The following STK32B variants were observed in gnomAD, a reference collection of about 807,000 sequenced individuals.
STK32B encodes the protein serine/threonine kinase 32B, also known as serine/threonine-protein kinase 32B.
In STK32B, 43 loss-of-function variants were observed where a neutral mutation model predicts 52.6. That is an observed-to-expected ratio of 0.82 (90% CI 0.64 to 1.05). The LOEUF is 1.05. STK32B is among the 50% of genes least tolerant of loss of function. The probability of loss-of-function intolerance (pLI) is 0.00; values close to 1 mark genes in which losing one functional copy is unlikely to be tolerated. For synonymous variants in STK32B, 238 were observed against 204.3 expected, an observed-to-expected ratio of 1.17 and a Z score of -1.41; for missense variants, 621 against 534.6, an observed-to-expected ratio of 1.16 and a Z score of -1.59.
chr4:5,359,622 AG>A (rs1268384132), intron 4 of STK32B, among the ~76,000 whole-genome samples: 2 of 152,158 alleles, frequency 1.3e-5, no homozygotes, highest in African/African-American at 4.8e-5. Flanking sequence ...GGGCCACAGG[AG>A]GGGGTCTGTT....
chr4:5,352,877 A>G (rs1733928370), intron 4 of STK32B, among the ~76,000 whole-genome samples: 1 of 152,168 alleles, frequency 6.6e-6, no homozygotes, highest in South Asian at 2.1e-4. Context: ...TGAAAATACC[A>G]ACATCATTTT....
intron 3 of STK32B, among the ~76,000 whole-genome samples, chr4:5,294,186 T>C (rs1366812133): frequency 6.6e-6 from 1 of 152,216 alleles, no homozygotes; most frequent in African/African-American, 2.4e-5. Flanking sequence ...TTTTGGTTAC[T>C]GTAGCCTTGT....
chr4:5,093,313 G>A (rs181617220), intron 1 of STK32B, among the ~76,000 whole-genome samples: 53 of 152,182 alleles, frequency 3.5e-4, no homozygotes, highest in African/African-American at 9.9e-4. Flanking sequence ...CAAAAGAAAC[G>A]TAAACAAATA....
At chr4:5,108,624 A>C (rs1714236616) in intron 1 of STK32B, among the ~76,000 whole-genome samples, 1 of 152,232 alleles carries the variant, frequency 6.6e-6, no homozygotes, top group African/African-American at 2.4e-5. Context: ...AGTTAATTTT[A>C]GATTCAACTT....
At chr4:5,286,794 CTTTTTT>C (rs60300816) in intron 3 of STK32B, among the ~76,000 whole-genome samples, 151 of 113,260 alleles carry the variant, frequency 1.3e-3, no homozygotes, top group African/African-American at 5.6e-3. Context: ...TACAGATGTA[CTTTTTT>C]TTTTTTTTTT....
At position 5,378,079 on chromosome 4, in the gene STK32B, G is replaced by T. The variant is rs938322871; in HGVS notation, c.435-20128G>T. 6.6e-6 allele frequency among the ~76,000 whole-genome samples: 1 copy of T among 152,204 alleles called. No individual in the cohort carries two copies. Among genetic ancestry groups the T allele is most frequent in the South Asian group, 2.1e-4 (1 of 4,828 alleles). ...TTACTGAGATGTTAAAGACGTAATA[G>T]TACCAAGTTGAGACATTCTTCCTGA... On this transcript the variant is annotated intron_variant, in intron 4 of 11. Transcript: ENST00000282908. This position sits in a 1 kb window ranked among gnomAD's most constrained non-coding sequence, Gnocchi z 4.4.
chr4:5,181,011 A>T (rs1720310667), intron 3 of STK32B, among the ~76,000 whole-genome samples: 1 of 152,062 alleles, frequency 6.6e-6, no homozygotes, highest in Non-Finnish European at 1.5e-5. Context: ...GTGTCCCATG[A>T]GTGGGAGCCC....
intron 4 of STK32B, among the ~76,000 whole-genome samples, chr4:5,361,649 A>G (rs1734556762): frequency 6.6e-6 from 1 of 152,248 alleles, no homozygotes; most frequent in African/African-American, 2.4e-5. Context: ...TGCTTGGCCT[A>G]TTTCAATTTT....
At chr4:5,116,367 ATT>A (rs1363899576) in intron 1 of STK32B, among the ~76,000 whole-genome samples, 1 of 152,092 alleles carries the variant, frequency 6.6e-6, no homozygotes, top group Non-Finnish European at 1.5e-5. Flanking sequence ...TGTACATTTT[ATT>A]TTTTAATAGA....
At chr4:5,026,324 A>G in the STK32B span, among the ~76,000 whole-genome samples, 1 of 152,158 alleles carries the variant, frequency 6.6e-6, no homozygotes, top group Non-Finnish European at 1.5e-5. Context: ...GTCCAATCTC[A>G]TGTATTAGTC....
chr4:5,320,773 T>C (rs904210854), intron 3 of STK32B, among the ~76,000 whole-genome samples: 1 of 152,208 alleles, frequency 6.6e-6, no homozygotes, highest in Non-Finnish European at 1.5e-5. Context: ...ACACTTGACA[T>C]ATTAGCAGAT....
chr4:5,406,440 G>A (rs530908402), intron 5 of STK32B, among the ~76,000 whole-genome samples: 2 of 152,150 alleles, frequency 1.3e-5, no homozygotes, highest in African/African-American at 4.8e-5. Context: ...GGGACTTTCT[G>A]TGGGGGCTCC....
At position 5,470,521 on chromosome 4, in the gene STK32B, T is replaced by G. The variant is rs1020931085; in HGVS notation, c.1106+2451T>G. Reference sequence around the variant, plus strand: ...CTAAGTGCTTCCTCTGCGGCCCTGATGGCTGATAGGCTTCCTGTCACAGCA... The same window carrying G: ...CTAAGTGCTTCCTCTGCGGCCCTGAGGGCTGATAGGCTTCCTGTCACAGCA... On this transcript the variant is annotated intron_variant, in intron 11 of 11. Coordinates refer to ENST00000282908, the MANE Select transcript of STK32B (RefSeq NM_018401.3). This position sits in a 1 kb window ranked among gnomAD's most constrained non-coding sequence, Gnocchi z 4.6. Among the ~76,000 whole-genome samples the G allele has an allele frequency of 6.6e-6, 1 of 152,138 alleles. No homozygotes were observed. Among genetic ancestry groups the G allele is most frequent in the Admixed American group, 6.5e-5 (1 of 15,272 alleles).
At chr4:5,314,881 C>T (rs893344756) in intron 3 of STK32B, among the ~76,000 whole-genome samples, 6 of 151,876 alleles carry the variant, frequency 4.0e-5, no homozygotes, top group African/African-American at 7.3e-5. Flanking sequence ...AAAAATATAA[C>T]ATTGATAGAA....
At chr4:5,131,165 C>T (rs1021663548) in intron 1 of STK32B, among the ~76,000 whole-genome samples, 1 of 152,156 alleles carries the variant, frequency 6.6e-6, no homozygotes, top group African/African-American at 2.4e-5. Flanking sequence ...GACCTAAATC[C>T]AGTAATGAGA....
intron 3 of STK32B, among the ~76,000 whole-genome samples, chr4:5,323,053 G>A (rs13121528): frequency 0.03 from 4,605 of 152,180 alleles, 91 homozygotes; most frequent in Middle Eastern, 0.061. Flanking sequence ...CACGTCCCAC[G>A]GTTAGTTGGG....
rs140869076 is a variant in STK32B at position 5,252,349 on chromosome 4, G to T, written c.261-78871G>T. Among the ~76,000 whole-genome samples the T allele has an allele frequency of 2.0e-3, 302 of 152,238 alleles. 2 individuals carry two copies. Among genetic ancestry groups the T allele is most frequent in the African/African-American group, 6.9e-3 (287 of 41,534 alleles). Reference sequence around the variant, plus strand: ...ATAAGAACATTGTGAGATCAATTTCGGTGTTCCTGTTTTACAGGAAAATAA... The same window carrying T: ...ATAAGAACATTGTGAGATCAATTTCTGTGTTCCTGTTTTACAGGAAAATAA... On this transcript the variant is annotated intron_variant, in intron 3 of 11. Transcript: ENST00000282908.
chr4:5,180,117 G>A (rs767766347), intron 3 of STK32B, among the ~76,000 whole-genome samples: 4 of 152,316 alleles, frequency 2.6e-5, no homozygotes, highest in South Asian at 4.1e-4. Flanking sequence ...CAGGACTGGT[G>A]CCTGCTGCCC....
intron 1 of STK32B, among the ~76,000 whole-genome samples, chr4:5,116,396 A>G (rs34992007): frequency 0.22 from 33,318 of 152,134 alleles, 4,330 homozygotes; most frequent in Admixed American, 0.34. Context: ...AAATCTGTAT[A>G]TATTTACAGT....
Sources: allele counts gnomAD v4.1 joint callset (sites outside exome capture counted in the v4.1 genomes callset), GRCh38; gene constraint gnomAD v4.1.1; non-coding constraint Gnocchi (gnomAD v3.1); transcripts MANE v1.5; gene names NCBI Gene and HGNC (gene_info 2026-07-23, HGNC 2026-07-21).